LRMDA: variants seen among roughly 807,000 people sequenced by gnomAD.
LRMDA encodes leucine rich melanocyte differentiation associated, also known as leucine-rich melanocyte differentiation-associated protein.
Under a neutral mutation model 29.8 loss-of-function variants are expected in LRMDA, and 18 were observed. That is an observed-to-expected ratio of 0.60 (90% CI 0.42 to 0.90). LRMDA has a LOEUF of 0.90. LRMDA is among the 40% of genes least tolerant of loss of function. LRMDA has a pLI of 0.00. For missense variants in LRMDA, 273 were observed against 273.9 expected, an observed-to-expected ratio of 1.00 and a Z score of 0.02; for synonymous variants, 125 against 109.4, an observed-to-expected ratio of 1.14 and a Z score of -0.89.
chr10:75,452,593 T>A (rs78574178), intron 2 of LRMDA, among the ~76,000 whole-genome samples: 1 of 150,622 alleles, frequency 6.6e-6, no homozygotes, highest in South Asian at 2.1e-4. Flanking sequence ...TTTTTTTTTT[T>A]AATGTATCCA....
chr10:75,618,858 C>T (rs563425582), intron 2 of LRMDA, among the ~76,000 whole-genome samples: 1 of 151,228 alleles, frequency 6.6e-6, no homozygotes, highest in Non-Finnish European at 1.5e-5. Flanking sequence ...CTTACTGCAA[C>T]CTTTGCCTTT....
At chr10:76,092,152 G>A (rs1849241724) in intron 5 of LRMDA, among the ~76,000 whole-genome samples, 1 of 152,184 alleles carries the variant, frequency 6.6e-6, no homozygotes, top group Non-Finnish European at 1.5e-5. Flanking sequence ...TGGTGACCCT[G>A]GTCAATGTTT....
rs534153251 is a variant in LRMDA, at chr10:75,750,280, C to T, written c.132-285728C>T. ...CTGCCCACCTCCCTCCCCGCCGGGG[C>T]GGCTGGCCGGGCAGGGGCTGCCCCC... On this transcript the variant is annotated intron_variant, in intron 2 of 6. Coordinates refer to ENST00000611255, the MANE Select transcript of LRMDA (RefSeq NM_001305581.2). 8.4e-3 allele frequency among the ~76,000 whole-genome samples: 1,274 copies of T among 151,010 alleles called. 10 individuals are homozygous for T. Among genetic ancestry groups the T allele is most frequent in the Non-Finnish European group, 0.013 (893 of 67,704 alleles).
intron 6 of LRMDA, among the ~76,000 whole-genome samples, chr10:76,468,670 C>A (rs1842588174): frequency 6.6e-6 from 1 of 152,142 alleles, no homozygotes; most frequent in Non-Finnish European, 1.5e-5. Flanking sequence ...ACACATCTGA[C>A]AATAGCTATC....
intron 2 of LRMDA, among the ~76,000 whole-genome samples, chr10:75,666,182 A>G (rs565130888): frequency 2.0e-5 from 3 of 152,328 alleles, no homozygotes; most frequent in African/African-American, 7.2e-5. Flanking sequence ...GTATAGTTAT[A>G]CAGTATATAA....
intron 2 of LRMDA, among the ~76,000 whole-genome samples, chr10:75,988,397 C>T (rs1847299568): frequency 6.6e-6 from 1 of 152,044 alleles, no homozygotes; most frequent in Admixed American, 6.5e-5. Flanking sequence ...CCAGGTGGTT[C>T]CCCATTCTAC....
intron 3 of LRMDA, among the ~76,000 whole-genome samples, chr10:76,040,566 CT>C (rs1848323490): frequency 6.6e-6 from 1 of 151,756 alleles, no homozygotes; most frequent in African/African-American, 2.4e-5. Flanking sequence ...ACTGCTCACA[CT>C]CTTTCTCTCT....
intron 6 of LRMDA, among the ~76,000 whole-genome samples, chr10:76,443,085 G>A (rs967867260): frequency 6.6e-6 from 1 of 152,104 alleles, no homozygotes; most frequent in Non-Finnish European, 1.5e-5. Context: ...ATAGGATTGG[G>A]GTGCCTTCAT....
chr10:75,920,896 G>A (rs956523286), intron 2 of LRMDA, among the ~76,000 whole-genome samples: 3 of 152,192 alleles, frequency 2.0e-5, no homozygotes, highest in Admixed American at 2.0e-4. Context: ...GTCTGATAGG[G>A]TGTGCGGATG....
chr10:75,758,693 T>C (rs531326037), intron 2 of LRMDA, among the ~76,000 whole-genome samples: 1 of 152,328 alleles, frequency 6.6e-6, no homozygotes, highest in South Asian at 2.1e-4. Context: ...AGTAAATCAG[T>C]GCTAGATAAA....
Position 75,431,750 on chromosome 10 carries a change from C to G in LRMDA, c.26C>G (p.Thr9Ser). The G allele has an allele frequency of 7.3e-7, 1 of 1,375,232 alleles. No individual in the cohort carries two copies. The highest frequency in any genetic ancestry group is 9.4e-7 in the Non-Finnish European group (1 of 1,059,132). 85.2% of individuals were successfully genotyped at this position (1,375,232 alleles called of 1,614,324 possible). A position where few individuals can be genotyped will look rare whatever the true frequency, so the allele number is the denominator to read the frequency against. The change falls in exon 1 of 7, where the codon ACT (threonine) becomes AGT (serine). Residue 9 changes from threonine to serine, a missense_variant. Coordinates refer to ENST00000611255, the MANE Select transcript of LRMDA (RefSeq NM_001305581.2). ...ATGGCCGGGCTCGTGGTGCGTGGAACTCAAGTAAGTCCCGGCCAGCCCCGC... is the reference window on the plus strand; with the variant it reads ...ATGGCCGGGCTCGTGGTGCGTGGAAGTCAAGTAAGTCCCGGCCAGCCCCGC... MAGLVVRGTQVSYIGQDCR... is the reference protein window; with the variant it reads MAGLVVRGSQVSYIGQDCR...
At chr10:75,935,414 G>A (rs1256760465) in intron 2 of LRMDA, among the ~76,000 whole-genome samples, 4 of 152,294 alleles carry the variant, frequency 2.6e-5, no homozygotes, top group African/African-American at 9.6e-5. Context: ...CCTTTTAATG[G>A]ATGGAAAGGG....
At chr10:76,317,823 C>T (rs973771522) in intron 5 of LRMDA, among the ~76,000 whole-genome samples, 1 of 152,200 alleles carries the variant, frequency 6.6e-6, no homozygotes, top group Non-Finnish European at 1.5e-5. Context: ...ATCCACCTGC[C>T]TCAGCCTCCC....
At chr10:76,484,953 G>A (rs888059786) in intron 6 of LRMDA, among the ~76,000 whole-genome samples, 2 of 151,642 alleles carry the variant, frequency 1.3e-5, no homozygotes, top group African/African-American at 2.4e-5. Flanking sequence ...TGAAATTAAG[G>A]TATCTAGTAC....
At chr10:75,907,950 G>A (rs1226169057) in intron 2 of LRMDA, among the ~76,000 whole-genome samples, 2 of 152,198 alleles carry the variant, frequency 1.3e-5, no homozygotes, top group Non-Finnish European at 2.9e-5. Flanking sequence ...AGGTGAAGGG[G>A]AAAGCCCAGG....
At chr10:75,535,739 T>G (rs936989337) in intron 2 of LRMDA, among the ~76,000 whole-genome samples, 1 of 152,224 alleles carries the variant, frequency 6.6e-6, no homozygotes, top group Non-Finnish European at 1.5e-5. Flanking sequence ...GTAGCCATTT[T>G]GGATAAAGTT....
intron 2 of LRMDA, among the ~76,000 whole-genome samples, chr10:75,780,720 G>T (rs1380365261): frequency 6.6e-6 from 1 of 152,152 alleles, no homozygotes; most frequent in African/African-American, 2.4e-5. Context: ...GCCCCTCACT[G>T]GGCAGCTGCT....
chr10:76,068,154 C>T (rs374028396), intron 5 of LRMDA, among the ~76,000 whole-genome samples: 1 of 152,210 alleles, frequency 6.6e-6, no homozygotes, highest in Non-Finnish European at 1.5e-5. Flanking sequence ...TTCTACTCTG[C>T]AGTTCTGGCT....
chr10:76,257,525 A>T (rs940884556), intron 5 of LRMDA, among the ~76,000 whole-genome samples: 2 of 150,708 alleles, frequency 1.3e-5, no homozygotes, highest in South Asian at 2.1e-4. Context: ...GTAGAGACGG[A>T]GTTTCACCAT....
Sources: gnomAD v4.1 joint callset for allele counts (sites outside exome capture counted in the v4.1 genomes callset) on GRCh38, gnomAD v4.1.1 for gene constraint, MANE v1.5 for transcripts, NCBI Gene and HGNC (gene_info 2026-07-23, HGNC 2026-07-21) for gene names.